The following CSMD1 variants were observed in gnomAD, a reference collection of about 807,000 sequenced individuals.
CSMD1 encodes CUB and Sushi multiple domains 1, also known as CUB and sushi domain-containing protein 1.
A neutral mutation model predicts 417.5 loss-of-function variants in CSMD1; 213 were observed. The observed-to-expected ratio is 0.51, with a 90% CI of 0.46 to 0.57. CSMD1 has a LOEUF of 0.57. Among genes scored for constraint, CSMD1 ranks in the 20% least tolerant of loss-of-function variants. CSMD1 has a pLI of 0.00. For synonymous variants in CSMD1, 2,862 were observed against 1,736.8 expected, an observed-to-expected ratio of 1.65 and a Z score of -16.11; for missense variants, 6,923 against 4,529.7, an observed-to-expected ratio of 1.53 and a Z score of -15.17.
At chr8:4,452,353 G>A (rs965908957) in intron 2 of CSMD1, among the ~76,000 whole-genome samples, 3 of 152,166 alleles carry the variant, frequency 2.0e-5, no homozygotes, top group African/African-American at 4.8e-5. Flanking sequence ...AAATTCCACT[G>A]GGGTGACAAG....
chr8:3,894,159 T>C (rs1807187090), intron 5 of CSMD1, among the ~76,000 whole-genome samples: 1 of 152,214 alleles, frequency 6.6e-6, no homozygotes, highest in Non-Finnish European at 1.5e-5. Context: ...AACTACTCTA[T>C]GCTACACTTC....
Position 4,026,645 on chromosome 8 carries a change from G to C in CSMD1, c.610+5260C>G, listed in dbSNP as rs1376489507. ...TATCTTATCTCCTGGGAAGCTACAA[G>C]CTAACACCATTAAGATATTATGTCA... On this transcript the variant is annotated intron_variant, in intron 4 of 69. Transcript: ENST00000635120. Among the ~76,000 whole-genome samples, 6 of 152,298 alleles carry C rather than the reference G, an allele frequency of 3.9e-5. No homozygotes were observed. In the East Asian group the frequency reaches 7.7e-4, roughly 20 times the overall value.
intron 3 of CSMD1, among the ~76,000 whole-genome samples, chr8:4,348,334 C>T (rs1470827975): frequency 6.6e-6 from 1 of 151,968 alleles, no homozygotes; most frequent in East Asian, 1.9e-4. Context: ...GAGGCCACAG[C>T]AGCGAAGTCA....
At chr8:4,097,069 C>T (rs1032170980) in intron 3 of CSMD1, among the ~76,000 whole-genome samples, 2 of 152,178 alleles carry the variant, frequency 1.3e-5, no homozygotes, top group South Asian at 2.1e-4. Flanking sequence ...AATGTTTACT[C>T]TTTAATTATG....
At chr8:4,735,744 A>G (rs998767404) in intron 1 of CSMD1, among the ~76,000 whole-genome samples, 1 of 152,088 alleles carries the variant, frequency 6.6e-6, no homozygotes, top group South Asian at 2.1e-4. Context: ...AGAGAAAAGG[A>G]CTGTTAGTCT....
chr8:4,110,303 C>T (rs532295682), intron 3 of CSMD1, among the ~76,000 whole-genome samples: 3 of 152,014 alleles, frequency 2.0e-5, no homozygotes, highest in African/African-American at 4.8e-5. Context: ...TTTATTTATC[C>T]ACCATTTCCC....
At chr8:3,205,400 T>C (rs913639491) in intron 31 of CSMD1, 104 bp downstream of exon 31, 16 of 626,168 alleles carry the variant, frequency 2.6e-5, no homozygotes, top group African/African-American at 2.4e-4. Flanking sequence ...TGCTTTTATA[T>C]GAAATATTTC....
chr8:3,156,971 G>C (rs970434965), intron 39 of CSMD1, among the ~76,000 whole-genome samples: 1 of 113,058 alleles, frequency 8.8e-6, no homozygotes, highest in Admixed American at 1.1e-4. Flanking sequence ...GTAATACCCA[G>C]ATTTGTTGTT....
At chr8:4,204,226 C>A (rs535023334) in intron 3 of CSMD1, among the ~76,000 whole-genome samples, 1 of 151,822 alleles carries the variant, frequency 6.6e-6, no homozygotes, top group East Asian at 1.9e-4. Context: ...CACACCAGAA[C>A]ATCCTCTTTT....
intron 5 of CSMD1, among the ~76,000 whole-genome samples, chr8:3,942,886 G>T (rs1044185541): frequency 6.6e-6 from 1 of 152,030 alleles, no homozygotes; most frequent in African/African-American, 2.4e-5. Flanking sequence ...AAAATCAAAT[G>T]AATACATCAT....
chr8:3,927,322 T>A (rs1427273343), intron 5 of CSMD1, among the ~76,000 whole-genome samples: 2 of 151,946 alleles, frequency 1.3e-5, no homozygotes, highest in East Asian at 3.9e-4. Context: ...TCTGACTTTA[T>A]AAGAACTTTA....
intron 68 of CSMD1, among the ~76,000 whole-genome samples, chr8:2,948,152 G>C (rs908650699): frequency 6.6e-6 from 1 of 151,970 alleles, no homozygotes; most frequent in Non-Finnish European, 1.5e-5. Context: ...TGGTGCCAAG[G>C]TTGTTACAAA....
At chr8:3,102,870 A>C (rs1046917808) in intron 46 of CSMD1, among the ~76,000 whole-genome samples, 25 of 152,326 alleles carry the variant, frequency 1.6e-4, no homozygotes, top group Middle Eastern at 3.4e-3. Flanking sequence ...ATGACAAGAT[A>C]ACAAAAGAAT....
In CSMD1 at chr8:4,853,888, T is replaced by G. The variant is rs78124869; in HGVS notation, c.85+140444A>C. On this transcript the variant is annotated intron_variant, in intron 1 of 69. Transcript: ENST00000635120. Reference sequence around the variant, plus strand: ...GACATACAGTCAAAGGAGATAATTTTGGGGATTTAAGATTTAATGACAGCT... The same window carrying G: ...GACATACAGTCAAAGGAGATAATTTGGGGGATTTAAGATTTAATGACAGCT... 0.022 allele frequency among the ~76,000 whole-genome samples: 3,318 copies of G among 152,284 alleles called. 245 individuals are homozygous for G. In the East Asian group the frequency reaches 0.27, roughly 12 times the overall value.
At chr8:4,830,915 T>C (rs1800112821) in intron 1 of CSMD1, among the ~76,000 whole-genome samples, 2 of 152,300 alleles carry the variant, frequency 1.3e-5, no homozygotes, top group South Asian at 2.1e-4. Flanking sequence ...GAACTTTCAG[T>C]GAACTTCCTT....
intron 2 of CSMD1, among the ~76,000 whole-genome samples, chr8:4,452,188 G>C (rs370444107): frequency 1.3e-5 from 2 of 151,970 alleles, no homozygotes; most frequent in African/African-American, 4.8e-5. Context: ...TTCGCTTAGT[G>C]CACGTTTCTG....
chr8:3,721,803 T>C (rs1802190431), intron 6 of CSMD1, among the ~76,000 whole-genome samples: 1 of 152,194 alleles, frequency 6.6e-6, no homozygotes, highest in South Asian at 2.1e-4. Context: ...ATCTTCATCA[T>C]AAGCCATTTT....
chr8:4,307,752 G>C (rs1442253643), intron 3 of CSMD1, among the ~76,000 whole-genome samples: 2 of 152,152 alleles, frequency 1.3e-5, no homozygotes, highest in South Asian at 2.1e-4. Context: ...GGCAACCAGA[G>C]AGTTTATCAA....
intron 3 of CSMD1, among the ~76,000 whole-genome samples, chr8:4,256,022 T>A (rs1254223455): frequency 1.3e-5 from 2 of 152,160 alleles, no homozygotes; most frequent in Admixed American, 1.3e-4. Context: ...AAATACAGCA[T>A]GGAAAGAACA....
Sources: allele counts gnomAD v4.1 joint callset (sites outside exome capture counted in the v4.1 genomes callset), GRCh38; gene constraint gnomAD v4.1.1; transcripts MANE v1.5; gene names NCBI Gene and HGNC (gene_info 2026-07-23, HGNC 2026-07-21).